HCN1: variants seen among roughly 807,000 people sequenced by gnomAD.
HCN1 encodes potassium/sodium hyperpolarization-activated cyclic nucleotide-gated channel 1.
Under a neutral mutation model 78.9 loss-of-function variants are expected in HCN1, and 13 were observed. The ratio of observed to expected loss-of-function variants is 0.16; its 90% CI spans 0.11 to 0.26. HCN1 has a LOEUF of 0.26. Ranked by LOEUF, HCN1 falls within the 10% of genes least tolerant of loss-of-function variation. The pLI, the probability that HCN1 is intolerant of heterozygous loss-of-function variation, is 1.00. For missense variants in HCN1, 810 were observed against 1,154.3 expected (o/e 0.70, Z 4.32); for synonymous variants, 552 against 455.5 (o/e 1.21, Z -2.70).
At chr5:45,610,874 C>T (rs1361133248) in intron 2 of HCN1, among the ~76,000 whole-genome samples, 1 of 151,938 alleles carries the variant, frequency 6.6e-6, no homozygotes, top group Non-Finnish European at 1.5e-5. Flanking sequence ...TTCCTTAAGA[C>T]TCTTTTTATC....
chr5:45,342,605 A>G (rs1190632721), intron 5 of HCN1, among the ~76,000 whole-genome samples: 5 of 152,164 alleles, frequency 3.3e-5, no homozygotes, highest in Non-Finnish European at 7.3e-5. Flanking sequence ...AAATAGTTAT[A>G]CATTCTAATT....
chr5:45,587,293 C>A (rs1391396791), intron 2 of HCN1, among the ~76,000 whole-genome samples: 1 of 152,118 alleles, frequency 6.6e-6, no homozygotes, highest in African/African-American at 2.4e-5. Context: ...AGACTTGGAA[C>A]CAACCCAAAT....
chr5:45,655,073 T>C (rs960336550), intron 1 of HCN1, among the ~76,000 whole-genome samples: 1 of 152,132 alleles, frequency 6.6e-6, no homozygotes, highest in South Asian at 2.1e-4. Flanking sequence ...GCAGGTGTGA[T>C]GGACAGCACA....
chr5:45,281,485 T>C (rs939885350), intron 6 of HCN1, among the ~76,000 whole-genome samples: 2 of 151,972 alleles, frequency 1.3e-5, no homozygotes, highest in African/African-American at 4.8e-5. Context: ...TCAGGAAGTT[T>C]CTTATAGCAA....
intron 5 of HCN1, among the ~76,000 whole-genome samples, chr5:45,316,563 G>A (rs1745998434): frequency 1.3e-5 from 2 of 152,086 alleles, no homozygotes; most frequent in African/African-American, 2.4e-5. Flanking sequence ...GTTCTGGCCA[G>A]GGCAATCAGG....
chr5:45,335,904 G>T (rs1000746572), intron 5 of HCN1, among the ~76,000 whole-genome samples: 6 of 152,046 alleles, frequency 3.9e-5, no homozygotes, highest in African/African-American at 7.2e-5. Context: ...TTTAAATGAG[G>T]CTTGTGGAAG....
At chr5:45,652,911 T>C (rs968131942) in intron 1 of HCN1, among the ~76,000 whole-genome samples, 6 of 152,070 alleles carry the variant, frequency 3.9e-5, no homozygotes. Flanking sequence ...TTTTGTTCCA[T>C]TGTCATCATC....
rs190358339 is a variant in HCN1 at position 45,583,829 on chromosome 5, G to T, written c.849+61356C>A. Among the ~76,000 whole-genome samples, 36 of 152,146 alleles carry T rather than the reference G, an allele frequency of 2.4e-4. No homozygotes were observed. In the East Asian group the frequency reaches 5.4e-3, roughly 23 times the overall value. On this transcript the variant is annotated intron_variant, in intron 2 of 7. Transcript: ENST00000303230. ...AGGTTGTTCAGTTTCCATGTAGTTG[G>T]CAGTTTTGAGTGAGTTTCTTAATCC...
intron 2 of HCN1, among the ~76,000 whole-genome samples, chr5:45,485,876 C>A (rs1741751830): frequency 6.6e-6 from 1 of 152,086 alleles, no homozygotes; most frequent in Non-Finnish European, 1.5e-5. Flanking sequence ...GAAGTAGGTT[C>A]AGGAAATTAT....
At position 45,344,906 on chromosome 5, in the gene HCN1, T is replaced by C. The variant is rs1442239752; in HGVS notation, c.1377+8194A>G. ...CTCTTCTCACAGCTCCACTAGGCAG[T>C]GACCCAGTGGAGACTCCCTGTGGGG... On this transcript the variant is annotated intron_variant, in intron 5 of 7. Coordinates refer to ENST00000303230, the MANE Select transcript of HCN1 (RefSeq NM_021072.4). Among the ~76,000 whole-genome samples, 4 of 152,294 alleles carry C rather than the reference T, an allele frequency of 2.6e-5. No individual in the cohort carries two copies. In the East Asian group the frequency reaches 7.7e-4, roughly 29 times the overall value.
chr5:45,421,250 G>A (rs1392293485), intron 3 of HCN1, among the ~76,000 whole-genome samples: 2 of 152,030 alleles, frequency 1.3e-5, no homozygotes, highest in African/African-American at 4.8e-5. Flanking sequence ...TTTTAGTAGA[G>A]ACTGGGTTTC....
At chr5:45,637,349 A>G (rs1419779074) in intron 2 of HCN1, among the ~76,000 whole-genome samples, 1 of 151,988 alleles carries the variant, frequency 6.6e-6, no homozygotes, top group Non-Finnish European at 1.5e-5. Context: ...GTCTATTTAC[A>G]TGTTTTCTTT....
intron 2 of HCN1, among the ~76,000 whole-genome samples, chr5:45,508,972 A>ATTTTT (rs1742358824): frequency 1.3e-5 from 2 of 152,120 alleles, no homozygotes; most frequent in Non-Finnish European, 2.9e-5. Flanking sequence ...CTTGTAAAAA[A>ATTTTT]TACCACTATT....
At chr5:45,369,836 T>C (rs1458293639) in intron 4 of HCN1, among the ~76,000 whole-genome samples, 7 of 152,064 alleles carry the variant, frequency 4.6e-5, no homozygotes, top group Non-Finnish European at 8.8e-5. Flanking sequence ...AATGTAATTA[T>C]AGCGCAAGCT....
At chr5:45,358,769 C>A (rs1235234632) in intron 4 of HCN1, among the ~76,000 whole-genome samples, 5 of 152,052 alleles carry the variant, frequency 3.3e-5, no homozygotes, top group Non-Finnish European at 7.4e-5. Context: ...TCTGTGGAGG[C>A]AATAAAGTGA....
At chr5:45,289,463 A>G (rs925614154) in intron 6 of HCN1, among the ~76,000 whole-genome samples, 3 of 152,108 alleles carry the variant, frequency 2.0e-5, no homozygotes, top group Non-Finnish European at 2.9e-5. Context: ...ACAATGGAGC[A>G]TTATAATAAT....
chr5:45,612,020 G>C (rs1182756394), intron 2 of HCN1, among the ~76,000 whole-genome samples: 3 of 152,092 alleles, frequency 2.0e-5, no homozygotes, highest in Non-Finnish European at 2.9e-5. Context: ...TGAAATATTT[G>C]AATCCTATTC....
rs77509484 is a variant in HCN1 at position 45,538,864 on chromosome 5, T to C, written c.850-76857A>G. On this transcript the variant is annotated intron_variant, in intron 2 of 7. Coordinates refer to ENST00000303230, the MANE Select transcript of HCN1 (RefSeq NM_021072.4). ...ACAATTTTAAAGTATTCCCTGGTCCTGGAGTGATTTGCTCCAATTGCTAGT... is the reference window on the plus strand; with the variant it reads ...ACAATTTTAAAGTATTCCCTGGTCCCGGAGTGATTTGCTCCAATTGCTAGT... Among the ~76,000 whole-genome samples, 727 of 152,326 alleles carry C rather than the reference T, an allele frequency of 4.8e-3. 4 individuals are homozygous for C. Among genetic ancestry groups the C allele is most frequent in the Middle Eastern group, 0.01 (3 of 294 alleles).
chr5:45,496,624 T>C (rs1202371156), intron 2 of HCN1, among the ~76,000 whole-genome samples: 1 of 152,182 alleles, frequency 6.6e-6, no homozygotes, highest in Non-Finnish European at 1.5e-5. Flanking sequence ...GCTAGCGGTC[T>C]ATCAATTTTG....
Sources: allele counts gnomAD v4.1 joint callset (sites outside exome capture counted in the v4.1 genomes callset), GRCh38; gene constraint gnomAD v4.1.1; transcripts MANE v1.5; gene names NCBI Gene and HGNC (gene_info 2026-07-23, HGNC 2026-07-21).